Variants in SCO1 observed in about 807,000 individuals in gnomAD.
SCO1 encodes cytochrome c oxidase assembly factor SCO1.
Under a neutral mutation model 34.0 loss-of-function variants are expected in SCO1, and 23 were observed. The observed-to-expected ratio is 0.68, with a 90% CI of 0.49 to 0.96. SCO1 has a LOEUF of 0.96. SCO1 is among the 40% of genes least tolerant of loss of function. The pLI is 0.00. For synonymous variants in SCO1, 161 were observed against 145.5 expected (o/e 1.11, Z -0.77); for missense variants, 404 against 381.6 (o/e 1.06, Z -0.49).
At chr17:10,695,156 CATGCAGTATCTACTCGCACT>C (rs1164430866) in intron 2 of SCO1, among the ~76,000 whole-genome samples, 11 of 152,220 alleles carry the variant, frequency 7.2e-5, no homozygotes, top group Non-Finnish European at 1.5e-4. Flanking sequence ...CCACAGAGGG[CATGCAGTATCTACTCGCACT>C]ATGCTCCTTG....
At chr17:10,689,424 TA>T (rs1322780653) in intron 4 of SCO1, among the ~76,000 whole-genome samples, 3 of 151,834 alleles carry the variant, frequency 2.0e-5, no homozygotes, top group Admixed American at 1.3e-4. Context: ...TCATATAATA[TA>T]AATATAAAAC....
intron 2 of SCO1, among the ~76,000 whole-genome samples, chr17:10,694,717 CA>C (rs1020908049): frequency 6.6e-6 from 1 of 151,050 alleles, no homozygotes; most frequent in Admixed American, 6.6e-5. Context: ...AAACTAAAGT[CA>C]AAAAAAGCTT....
chr17:10,689,059 T>C (rs2074674473), intron 4 of SCO1, among the ~76,000 whole-genome samples: 1 of 131,824 alleles, frequency 7.6e-6, no homozygotes, highest in Non-Finnish European at 1.5e-5. Flanking sequence ...GAGCTTGCAG[T>C]GAGCCGAGAT....
chr17:10,686,113 A>G (rs2074653718), intron 5 of SCO1, among the ~76,000 whole-genome samples: 1 of 152,140 alleles, frequency 6.6e-6, no homozygotes, highest in South Asian at 2.1e-4. Flanking sequence ...GTGGGAGCAC[A>G]TGCCTGTAAT....
At chr17:10,689,099 G>T in intron 4 of SCO1, among the ~76,000 whole-genome samples, 1 of 109,004 alleles carries the variant, frequency 9.2e-6, no homozygotes, top group African/African-American at 4.6e-5. Flanking sequence ...CTGGGCGACA[G>T]AGCGAGACTC....
chr17:10,696,166 C>T (rs1019530598), intron 1 of SCO1, among the ~76,000 whole-genome samples: 3 of 150,090 alleles, frequency 2.0e-5, no homozygotes, highest in East Asian at 2.0e-4. Flanking sequence ...CAATTATGGC[C>T]GGGCGCGGTG....
rs2074614984 is a variant in SCO1 at position 10,680,525 on chromosome 17, T to TC, written c.*593dup. The TC allele has an allele frequency of 6.4e-6, 1 of 156,228 alleles. No individual in the cohort carries two copies. The allele number at this position is 156,228 out of a possible 1,614,324, so 9.7% of individuals were successfully genotyped here. On this transcript the variant is annotated 3_prime_UTR_variant, in exon 6 of 6. Coordinates refer to ENST00000255390, the MANE Select transcript of SCO1 (RefSeq NM_004589.4). ...AGAGAAATCAAACTGATGTTTTTTT[T>TC]CCCCCAAACAATAGATTTCCTCTTC...
In SCO1 at chr17:10,674,543, A is replaced by G. The variant is rs945374620; in HGVS notation, c.*6576T>C. 9 of 185,480 alleles carry G rather than the reference A, an allele frequency of 4.9e-5. No individual in the cohort carries two copies. The East Asian group carries it at 1.5e-3, about 32-fold the overall frequency. The allele number at this position is 185,480 out of a possible 1,614,324, so 11.5% of individuals were successfully genotyped here. On this transcript the variant is annotated 3_prime_UTR_variant, in exon 6 of 6. Transcript: ENST00000255390. Reference sequence around the variant, plus strand: ...GTGGTGTGACACTGCCGGACCACAGACTACACTGAGTAGCAAGGCTGTAGA... The same window carrying G: ...GTGGTGTGACACTGCCGGACCACAGGCTACACTGAGTAGCAAGGCTGTAGA...
Position 10,675,814 on chromosome 17 carries a change from G to A in SCO1, c.*5305C>T, listed in dbSNP as rs1247836670. 6.6e-6 allele frequency: 1 copy of A among 152,172 alleles called. No individual in the cohort carries two copies. The highest frequency in any genetic ancestry group is 6.5e-5 in the Admixed American group (1 of 15,284). 9.4% of individuals were successfully genotyped at this position (152,172 alleles called of 1,614,324 possible). ...TCCAACCTGAATAACGCCACCCTATGTTTAAGAATGGGAAGAGAGGCTTGG... is the reference window on the plus strand; with the variant it reads ...TCCAACCTGAATAACGCCACCCTATATTTAAGAATGGGAAGAGAGGCTTGG... On this transcript the variant is annotated 3_prime_UTR_variant, in exon 6 of 6. Transcript: ENST00000255390.
chr17:10,695,542 G>GA (rs1473048809), intron 2 of SCO1, 199 bp downstream of exon 2: 13 of 529,572 alleles, frequency 2.5e-5, no homozygotes, highest in South Asian at 8.6e-5. Flanking sequence ...TCTTAGTCAT[G>GA]AAAAATGTGT....
chr17:10,678,430 A>G lies in SCO1; in HGVS notation c.*2689T>C, dbSNP rs1386983286. The G allele has an allele frequency of 1.5e-4, 23 of 152,300 alleles. No individual in the cohort carries two copies. The highest frequency in any genetic ancestry group is 8.8e-5 in the Non-Finnish European group (6 of 68,024). 9.4% of individuals were successfully genotyped at this position (152,300 alleles called of 1,614,324 possible). On this transcript the variant is annotated 3_prime_UTR_variant, in exon 6 of 6. Transcript: ENST00000255390. ...TTGACACTAGAATGAAGAACAAATA[A>G]AAGTTTTCTCCAAAAGCTGCTGTTC...
At chr17:10,693,300 C>A (rs559405500) in intron 2 of SCO1, among the ~76,000 whole-genome samples, 1 of 151,950 alleles carries the variant, frequency 6.6e-6, no homozygotes, top group Non-Finnish European at 1.5e-5. Context: ...AAGTGGGGTG[C>A]GGTGGGTGGC....
In SCO1 at chr17:10,697,345, A is replaced by G; in HGVS notation, c.163T>C (p.Ser55Pro). The G allele has an allele frequency of 6.3e-7, 1 of 1,579,356 alleles. No individual in the cohort carries two copies. The highest frequency in any genetic ancestry group is 8.6e-7 in the Non-Finnish European group (1 of 1,163,316). Residue 55 changes from serine to proline, a missense_variant, in exon 1 of 6, where the codon TCG becomes CCG. By Grantham distance (74) the Ser-to-Pro change is moderately conservative (BLOSUM62 -1). Coordinates refer to ENST00000255390, the MANE Select transcript of SCO1 (RefSeq NM_004589.4). ...CCCAGGCAATAGCCAGGGCGCCCCGAGGCACGCCACGCCTCCGCTTGCCGC... is the reference window on the plus strand; with the variant it reads ...CCCAGGCAATAGCCAGGGCGCCCCGGGGCACGCCACGCCTCCGCTTGCCGC... ...CARQAEAWRA[S>P]GRPGYCLGTR...
At chr17:10,691,843 T>C (rs2074691575) in intron 4 of SCO1, 29 bp downstream of exon 4, 3 of 1,453,636 alleles carry the variant, frequency 2.1e-6, no homozygotes, top group Admixed American at 1.7e-5. Context: ...TAAGGCTAAA[T>C]AAATGTAAAG....
rs556558488 is a variant in SCO1, at chr17:10,689,115, C to CAAAAAAA, written c.656-2280_656-2274dup. 9.0e-3 allele frequency among the ~76,000 whole-genome samples: 611 copies of CAAAAAAA among 67,726 alleles called. 22 individuals carry two copies. Among genetic ancestry groups the CAAAAAAA allele is most frequent in the African/African-American group, 0.034 (472 of 13,686 alleles). 44.4% of individuals were successfully genotyped at this position (67,726 alleles called of 152,430 possible). On this transcript the variant is annotated intron_variant, in intron 4 of 5. Transcript: ENST00000255390. ...TGGGCGACAGAGCGAGACTCCGTCT[C>CAAAAAAA]AAAAAAAAAAAAAAAAAAAAGAAAG...
In SCO1 at chr17:10,697,517, A is replaced by G. The variant is rs1291013008; in HGVS notation, c.-10T>C. The G allele has an allele frequency of 5.0e-6, 8 of 1,612,994 alleles. No homozygotes were observed. In the African/African-American group the frequency reaches 5.3e-5, roughly 11 times the overall value. On this transcript the variant is annotated 5_prime_UTR_variant, in exon 1 of 6. Transcript: ENST00000255390. ...GGACCAGCATCGCCATGAGCCTCGG[A>G]GACCGGGTCTCCTTTGACCCTCCCC...
intron 5 of SCO1, among the ~76,000 whole-genome samples, chr17:10,682,964 T>A (rs536094550): frequency 3.0e-4 from 46 of 152,374 alleles, no homozygotes; most frequent in African/African-American, 1.1e-3. Context: ...CCACGTTGCC[T>A]CTAGCTCCAA....
At chr17:10,696,574 A>G (rs2074728899) in intron 1 of SCO1, among the ~76,000 whole-genome samples, 2 of 152,256 alleles carry the variant, frequency 1.3e-5, no homozygotes, top group Admixed American at 6.5e-5. Context: ...TAACAATGCC[A>G]AAGTAGAAGA....
At chr17:10,687,946 A>G (rs2074667020) in intron 4 of SCO1, among the ~76,000 whole-genome samples, 1 of 152,240 alleles carries the variant, frequency 6.6e-6, no homozygotes, top group African/African-American at 2.4e-5. Context: ...ATGAGTTCAT[A>G]AATATCTGTT....
Sources: gnomAD v4.1 joint callset for allele counts (sites outside exome capture counted in the v4.1 genomes callset) on GRCh38, gnomAD v4.1.1 for gene constraint, MANE v1.5 for transcripts, NCBI Gene and HGNC (gene_info 2026-07-23, HGNC 2026-07-21) for gene names.